Variants in DACH1 observed in about 807,000 individuals in gnomAD.
DACH1 encodes the protein dachshund homolog 1.
DACH1 carries 12 observed loss-of-function variants against 54.2 expected under a neutral mutation model. The ratio of observed to expected loss-of-function variants is 0.22; its 90% CI spans 0.14 to 0.36. The LOEUF (loss-of-function observed/expected upper bound fraction) is 0.36, where lower values mean the gene tolerates loss of function less well. DACH1 is among the 10% of genes least tolerant of loss of function. The probability of loss-of-function intolerance (pLI) is 1.00; values close to 1 mark genes in which losing one functional copy is unlikely to be tolerated. For missense variants in DACH1, 805 were observed against 929.8 expected (o/e 0.87, Z 1.75); for synonymous variants, 386 against 366.2 (o/e 1.05, Z -0.62).
At chr13:71,758,432 A>G (rs1038119496) in intron 1 of DACH1, among the ~76,000 whole-genome samples, 2 of 152,224 alleles carry the variant, frequency 1.3e-5, no homozygotes, top group Non-Finnish European at 2.9e-5. Flanking sequence ...AAGTAAATAA[A>G]TGTTTTATAC....
At chr13:71,739,579 T>TAC (rs35870334) in intron 1 of DACH1, among the ~76,000 whole-genome samples, 1 of 8,228 alleles carries the variant, frequency 1.2e-4, no homozygotes, top group Non-Finnish European at 1.7e-3. Context: ...ACTTAAAGAC[T>TAC]GTCAGTTTGC....
At chr13:71,687,488 A>G (rs931024544) in intron 1 of DACH1, among the ~76,000 whole-genome samples, 1 of 152,222 alleles carries the variant, frequency 6.6e-6, no homozygotes, top group Admixed American at 6.5e-5. Context: ...AAAAGACTGA[A>G]AGGAAATATG....
At chr13:71,796,427 T>C (rs1457429498) in intron 1 of DACH1, among the ~76,000 whole-genome samples, 1 of 152,126 alleles carries the variant, frequency 6.6e-6, no homozygotes. Flanking sequence ...CTATCACTTC[T>C]ACAAATTTGG....
intron 1 of DACH1, among the ~76,000 whole-genome samples, chr13:71,846,490 A>T (rs1326801123): frequency 6.6e-6 from 1 of 152,250 alleles, no homozygotes; most frequent in East Asian, 1.9e-4. Flanking sequence ...AAAAATACAA[A>T]AATAAGCCCG....
chr13:71,678,014 T>C (rs373011919), intron 2 of DACH1, among the ~76,000 whole-genome samples: 2 of 152,280 alleles, frequency 1.3e-5, no homozygotes, highest in Admixed American at 1.3e-4. Context: ...CACCGCCCCC[T>C]AGCCGATCAA....
At chr13:71,580,437 T>C (rs1872746752) in intron 3 of DACH1, among the ~76,000 whole-genome samples, 1 of 152,190 alleles carries the variant, frequency 6.6e-6, no homozygotes, top group Admixed American at 6.5e-5. Context: ...GTTAGTGGGG[T>C]AATCAATGTC....
At chr13:71,827,747 G>A (rs529120225) in intron 1 of DACH1, among the ~76,000 whole-genome samples, 1 of 152,058 alleles carries the variant, frequency 6.6e-6, no homozygotes, top group Non-Finnish European at 1.5e-5. Flanking sequence ...GCCAGTTGAA[G>A]AAGTGAGAAA....
At chr13:71,780,603 G>A (rs1487781022) in intron 1 of DACH1, among the ~76,000 whole-genome samples, 2 of 150,172 alleles carry the variant, frequency 1.3e-5, no homozygotes, top group East Asian at 2.0e-4. Flanking sequence ...CCAAGACTAC[G>A]CCACTGCATT....
At chr13:71,541,465 C>A (rs1009064467) in intron 6 of DACH1, among the ~76,000 whole-genome samples, 4 of 151,990 alleles carry the variant, frequency 2.6e-5, no homozygotes, top group African/African-American at 9.7e-5. Flanking sequence ...ATAAAAGTAT[C>A]AATTATAAAA....
At chr13:71,563,823 A>G (rs983829126) in intron 4 of DACH1, among the ~76,000 whole-genome samples, 1 of 151,646 alleles carries the variant, frequency 6.6e-6, no homozygotes, top group Non-Finnish European at 1.5e-5. Flanking sequence ...CAAAAACAAC[A>G]GTTAATACTG....
intron 1 of DACH1, among the ~76,000 whole-genome samples, chr13:71,760,628 A>G (rs971988400): frequency 1.3e-5 from 2 of 152,224 alleles, no homozygotes; most frequent in African/African-American, 4.8e-5. Context: ...GAAAGGACAC[A>G]GCCTTGTCTA....
At chr13:71,479,898 CTCATT>C (rs1020794575) in intron 7 of DACH1, among the ~76,000 whole-genome samples, 9 of 152,130 alleles carry the variant, frequency 5.9e-5, no homozygotes, top group Non-Finnish European at 8.8e-5. Context: ...GGCTCACACC[CTCATT>C]TCATTTCATC....
chr13:71,539,740 C>T (rs1317607207), intron 6 of DACH1, among the ~76,000 whole-genome samples: 1 of 151,832 alleles, frequency 6.6e-6, no homozygotes, highest in East Asian at 1.9e-4. Flanking sequence ...TTATTTATTT[C>T]CTGTCATTTC....
intron 1 of DACH1, among the ~76,000 whole-genome samples, chr13:71,703,065 A>G (rs776004109): frequency 6.6e-6 from 1 of 152,192 alleles, no homozygotes; most frequent in Non-Finnish European, 1.5e-5. Flanking sequence ...TTAAAAATTT[A>G]CTTCTAAACA....
chr13:71,620,262 A>C (rs1433168892), intron 3 of DACH1, among the ~76,000 whole-genome samples: 1 of 151,958 alleles, frequency 6.6e-6, no homozygotes, highest in East Asian at 1.9e-4. Context: ...TTGTGACACA[A>C]GTTCAGCACT....
At chr13:71,548,188 T>C (rs914419921) in intron 6 of DACH1, among the ~76,000 whole-genome samples, 5 of 152,216 alleles carry the variant, frequency 3.3e-5, no homozygotes, top group African/African-American at 4.8e-5. Flanking sequence ...TATTTAGTGA[T>C]GATTAGCCAT....
intron 6 of DACH1, among the ~76,000 whole-genome samples, chr13:71,512,251 C>A (rs1243964321): frequency 6.6e-6 from 1 of 151,812 alleles, no homozygotes; most frequent in Non-Finnish European, 1.5e-5. Flanking sequence ...TGGCACCCAC[C>A]TGTTGGCATT....
chr13:71,550,502 T>C (rs746831723), intron 6 of DACH1, among the ~76,000 whole-genome samples: 6 of 152,144 alleles, frequency 3.9e-5, no homozygotes, highest in Non-Finnish European at 8.8e-5. Flanking sequence ...GTGATGGTCA[T>C]CAAGGCGCAT....
At chr13:71,523,340 A>G (rs1184199575) in intron 6 of DACH1, among the ~76,000 whole-genome samples, 1 of 152,120 alleles carries the variant, frequency 6.6e-6, no homozygotes, top group East Asian at 1.9e-4. Flanking sequence ...GCAGTGATAA[A>G]TCACCCTCCC....
Sources: gnomAD v4.1 joint callset for allele counts (sites outside exome capture counted in the v4.1 genomes callset) on GRCh38, gnomAD v4.1.1 for gene constraint, MANE v1.5 for transcripts, NCBI Gene and HGNC (gene_info 2026-07-23, HGNC 2026-07-21) for gene names.